STK32C: variants seen among roughly 807,000 people sequenced by gnomAD.
STK32C encodes the protein serine/threonine-protein kinase 32C.
STK32C carries 31 observed loss-of-function variants against 56.5 expected under a neutral mutation model. The ratio of observed to expected loss-of-function variants is 0.55; its 90% CI spans 0.41 to 0.74. The LOEUF is 0.74. Among genes scored for constraint, STK32C ranks in the 30% least tolerant of loss-of-function variants. The pLI, the probability that STK32C is intolerant of heterozygous loss-of-function variation, is 0.00. For missense variants in STK32C, 544 were observed against 676.9 expected, an observed-to-expected ratio of 0.80 and a Z score of 2.18; for synonymous variants, 309 against 289.4, an observed-to-expected ratio of 1.07 and a Z score of -0.69.
At chr10:132,327,542 C>T (rs2066524789) in intron 1 of STK32C, among the ~76,000 whole-genome samples, 1 of 151,866 alleles carries the variant, frequency 6.6e-6, no homozygotes, top group Admixed American at 6.6e-5. Context: ...GTGGCATGCT[C>T]TCGGCTCACT....
At chr10:132,282,563 C>T (rs1049586195) in intron 1 of STK32C, among the ~76,000 whole-genome samples, 28 of 152,176 alleles carry the variant, frequency 1.8e-4, no homozygotes, top group African/African-American at 6.3e-4. Context: ...CTGCAGTTCA[C>T]TTATTTAACC....
Position 132,295,634 on chromosome 10 carries a change from C to T in STK32C, c.262+11938G>A, listed in dbSNP as rs553538491. Among the ~76,000 whole-genome samples, 28 of 151,996 alleles carry T rather than the reference C, an allele frequency of 1.8e-4. No homozygotes were observed. The South Asian group carries it at 5.4e-3, about 29-fold the overall frequency. On this transcript the variant is annotated intron_variant, in intron 1 of 11. Coordinates refer to ENST00000298630, the MANE Select transcript of STK32C (RefSeq NM_173575.4). ...GGCGCAGTGGCTCACGCTTGTAATC[C>T]CAGCACTTCGGGGGGCCGAGGAGGG... is the stretch of plus-strand genomic sequence containing the variant.
intron 1 of STK32C, among the ~76,000 whole-genome samples, chr10:132,274,482 T>G (rs2064937984): frequency 6.6e-6 from 1 of 152,192 alleles, no homozygotes; most frequent in Middle Eastern, 3.2e-3. Flanking sequence ...TGACAACTGT[T>G]CACAGTTGTT....
intron 1 of STK32C, among the ~76,000 whole-genome samples, chr10:132,329,303 A>G (rs2066582516): frequency 6.6e-6 from 1 of 152,148 alleles, no homozygotes; most frequent in Non-Finnish European, 1.5e-5. Flanking sequence ...AGTCTCAGCT[A>G]CTTGAGGGGT....
intron 2 of STK32C, among the ~76,000 whole-genome samples, chr10:132,237,258 C>T (rs900758905): frequency 1.5e-4 from 23 of 152,310 alleles, no homozygotes; most frequent in Admixed American, 1.5e-3. Context: ...CTGGCGTTTG[C>T]TCCTCCCAAG....
At chr10:132,326,947 T>A (rs1193223986) in intron 1 of STK32C, among the ~76,000 whole-genome samples, 1 of 152,228 alleles carries the variant, frequency 6.6e-6, no homozygotes, top group Non-Finnish European at 1.5e-5. Flanking sequence ...ACATAACTTA[T>A]GGCAGCTTCA....
In STK32C at chr10:132,306,347, T is replaced by C. The variant is rs866086564; in HGVS notation, c.262+1225A>G. Among the ~76,000 whole-genome samples, 4 of 152,220 alleles carry C rather than the reference T, an allele frequency of 2.6e-5. No homozygotes were observed. In the South Asian group the frequency reaches 8.3e-4, roughly 32 times the overall value. The stretch of plus-strand genomic sequence containing the variant: ...CTTTCTTTACTTTGAATATTTATGT[T>C]AAAAACAAAAACATTTCTCAAACAT... On this transcript the variant is annotated intron_variant, in intron 1 of 11. Coordinates refer to ENST00000298630, the MANE Select transcript of STK32C (RefSeq NM_173575.4).
At chr10:132,222,558 G>A in intron 10 of STK32C, 83 bp downstream of exon 10, 1 of 1,543,542 alleles carries the variant, frequency 6.5e-7, no homozygotes, top group South Asian at 1.2e-5. Flanking sequence ...CGCTGCCAGG[G>A]GTCCCCACAC....
chr10:132,268,452 C>A (rs575775629), intron 1 of STK32C, among the ~76,000 whole-genome samples: 2 of 125,612 alleles, frequency 1.6e-5, no homozygotes, highest in South Asian at 2.9e-4. Flanking sequence ...TGCCTGTGTG[C>A]ATGCATGTCC....
intron 1 of STK32C, among the ~76,000 whole-genome samples, chr10:132,270,953 G>C (rs1477148693): frequency 4.6e-5 from 7 of 152,140 alleles, no homozygotes; most frequent in African/African-American, 1.7e-4. Flanking sequence ...TAGGGCAATG[G>C]GGTGGGGCCT....
intron 10 of STK32C, among the ~76,000 whole-genome samples, chr10:132,215,565 T>G (rs911266641): frequency 1.3e-5 from 2 of 151,340 alleles, no homozygotes; most frequent in African/African-American, 4.9e-5. Flanking sequence ...CTCCTTGCCT[T>G]CCGCCATGAT....
intron 1 of STK32C, among the ~76,000 whole-genome samples, chr10:132,272,955 A>C (rs2064875101): frequency 6.6e-6 from 1 of 152,096 alleles, no homozygotes; most frequent in Admixed American, 6.5e-5. Context: ...CTGTGCACCA[A>C]CAGCTCCCTC....
At chr10:132,268,627 T>TCGTG (rs1423883915) in intron 1 of STK32C, among the ~76,000 whole-genome samples, 4 of 117,400 alleles carry the variant, frequency 3.4e-5, no homozygotes, top group African/African-American at 6.6e-5. Flanking sequence ...ATGTCCCACA[T>TCGTG]TGTGTGTGTG....
chr10:132,223,262 G>A (rs955485871), intron 8 of STK32C, among the ~76,000 whole-genome samples: 4 of 152,228 alleles, frequency 2.6e-5, no homozygotes, highest in African/African-American at 7.2e-5. Flanking sequence ...TGCAGGGAAG[G>A]CTCTGCTGGG....
chr10:132,264,433 C>T (rs952835904), intron 1 of STK32C, among the ~76,000 whole-genome samples: 5 of 152,176 alleles, frequency 3.3e-5, no homozygotes, highest in South Asian at 2.1e-4. Context: ...GTTAGGTGGG[C>T]GGGACGCACA....
chr10:132,267,878 T>C (rs1482973645), intron 1 of STK32C, among the ~76,000 whole-genome samples: 1 of 146,566 alleles, frequency 6.8e-6, no homozygotes, highest in Non-Finnish European at 1.5e-5. Flanking sequence ...TGCCTGTCTG[T>C]GTGCATGCAT....
At chr10:132,276,345 C>G (rs561271626) in intron 1 of STK32C, among the ~76,000 whole-genome samples, 1 of 152,336 alleles carries the variant, frequency 6.6e-6, no homozygotes, top group South Asian at 2.1e-4. Context: ...CCACAGACCT[C>G]CTGGCACTGG....
intron 1 of STK32C, among the ~76,000 whole-genome samples, chr10:132,304,851 C>T (rs2066010093): frequency 6.6e-6 from 1 of 152,248 alleles, no homozygotes; most frequent in African/African-American, 2.4e-5. Context: ...CTCCAGCCTT[C>T]CCCAGATGAA....
chr10:132,241,475 G>A (rs1405247269), intron 2 of STK32C, among the ~76,000 whole-genome samples: 1 of 152,204 alleles, frequency 6.6e-6, no homozygotes, highest in Non-Finnish European at 1.5e-5. Context: ...GAATCAAGAT[G>A]AAAAAGCAGA....
Sources: gnomAD v4.1 joint callset for allele counts (sites outside exome capture counted in the v4.1 genomes callset) on GRCh38, gnomAD v4.1.1 for gene constraint, MANE v1.5 for transcripts, NCBI Gene and HGNC (gene_info 2026-07-23, HGNC 2026-07-21) for gene names.